Variants in MYH13 observed in about 807,000 individuals in gnomAD.
The protein encoded by MYH13 is myosin-13.
Under a neutral mutation model 232.1 loss-of-function variants are expected in MYH13, and 177 were observed. The ratio of observed to expected loss-of-function variants is 0.76; its 90% CI spans 0.67 to 0.86. The LOEUF is 0.86. Ranked by LOEUF, MYH13 falls within the 40% of genes least tolerant of loss-of-function variation. The pLI is 0.00. For missense variants in MYH13, 2,246 were observed against 2,405.9 expected (o/e 0.93, Z 1.39); for synonymous variants, 884 against 923.5 (o/e 0.96, Z 0.78).
intron 16 of MYH13, among the ~76,000 whole-genome samples, chr17:10,340,840 G>T (rs2071614863): frequency 6.6e-6 from 1 of 151,852 alleles, no homozygotes; most frequent in Non-Finnish European, 1.5e-5. Context: ...CCAGGATTAA[G>T]AACCCTCAGC....
rs1319014571 is a variant in MYH13 at position 10,346,748 on chromosome 17, T to C, written c.1195A>G (p.Lys399Glu). 3 of 1,613,890 alleles carry C rather than the reference T, an allele frequency of 1.9e-6. No homozygotes were observed. The highest frequency in any genetic ancestry group is 1.7e-5 in the Admixed American group (1 of 59,998). ...LMGLNSAEML[K>E]GLCCPRVKVG... ...TTCACCCTTGGACAGCACAGGCCCTTCAGCATTTCTGCAGAATTCAGTCCC... is the reference window on the plus strand; with the variant it reads ...TTCACCCTTGGACAGCACAGGCCCTCCAGCATTTCTGCAGAATTCAGTCCC... Residue 399 changes from lysine (K) to glutamate (E), a missense_variant, in exon 13 of 41, where the codon AAG becomes GAG. Transcript: ENST00000252172.
rs34889608 is a variant in MYH13, at chr17:10,306,220, ATGTGTGTGTGTGTGTGTGTGTGTG to A, written c.5466+215_5466+238del. Among the ~76,000 whole-genome samples the A allele has an allele frequency of 7.7e-6, 1 of 129,942 alleles. No homozygotes were observed. Among genetic ancestry groups the A allele is most frequent in the Admixed American group, 7.7e-5 (1 of 12,946 alleles). 85.2% of individuals were successfully genotyped at this position (129,942 alleles called of 152,430 possible). On this transcript the variant is annotated intron_variant, in intron 37 of 40. Transcript: ENST00000252172. This position sits in a 1 kb window ranked among gnomAD's most constrained non-coding sequence, Gnocchi z 4.3. ...CTGAGGTGTGAGCATACCAAAATAG[ATGTGTGTGTGTGTGTGTGTGTGTG>A]TGTGTGTGTGTGTGTGTGTGTGTGT...
At chr17:10,364,755 G>GT (rs35658023) in intron 2 of MYH13, among the ~76,000 whole-genome samples, 25,470 of 147,112 alleles carry the variant, frequency 0.17, 2,430 homozygotes, top group Non-Finnish European at 0.23. Flanking sequence ...AAGTATGAAG[G>GT]TTTTTTTTTT....
At chr17:10,362,979 C>T (rs1279847722) in intron 3 of MYH13, among the ~76,000 whole-genome samples, 1 of 152,172 alleles carries the variant, frequency 6.6e-6, no homozygotes, top group African/African-American at 2.4e-5. Context: ...CCAACTCTTC[C>T]ACGACCCATC....
intron 2 of MYH13, among the ~76,000 whole-genome samples, chr17:10,365,762 A>G (rs2071829480): frequency 1.3e-5 from 2 of 152,066 alleles, no homozygotes; most frequent in African/African-American, 2.4e-5. Context: ...CGCGGTCTCT[A>G]AACTTTGTGC....
At chr17:10,322,966 T>C (rs759710414) in intron 23 of MYH13, among the ~76,000 whole-genome samples, 1 of 152,152 alleles carries the variant, frequency 6.6e-6, no homozygotes, top group African/African-American at 2.4e-5. Context: ...TTCCACCGTT[T>C]AGCAGTAGGT....
Position 10,313,294 on chromosome 17 carries a change from C to G in MYH13, c.4045G>C (p.Glu1349Gln). 1 of 1,614,264 alleles carries G rather than the reference C, an allele frequency of 6.2e-7. No individual in the cohort carries two copies. The change falls in exon 30 of 41, where the codon GAA becomes CAA. Residue 1349 changes from glutamate to glutamine, a missense_variant. Glu to Gln is a conservative substitution (Grantham distance 29). Transcript: ENST00000252172. ...GCTTCCTGCTCCTCCTCATACTGTT[C>G]CCGCAGCAGGTCACAGTCGTGGCGG... ...SSRHDCDLLREQYEEEQEAKA... is the reference protein window; with the variant it reads ...SSRHDCDLLRQQYEEEQEAKA...
chr17:10,312,121 G>T, intron 31 of MYH13, 45 bp from the exon 32 acceptor site: 4 of 1,605,246 alleles, frequency 2.5e-6, no homozygotes, highest in South Asian at 1.1e-5. Context: ...AAGCAGGGGT[G>T]ACTCAGAAGA....
At chr17:10,327,276 C>T (rs1237635663) in intron 22 of MYH13, among the ~76,000 whole-genome samples, 1 of 151,636 alleles carries the variant, frequency 6.6e-6, no homozygotes, top group Non-Finnish European at 1.5e-5. Context: ...GCTGGGATTA[C>T]AGGCGTGAGC....
chr17:10,309,154 T>G (rs568880740), intron 35 of MYH13, 80 bp downstream of exon 35: 560 of 1,403,208 alleles, frequency 4.0e-4, no homozygotes, highest in Non-Finnish European at 5.0e-4. Flanking sequence ...AGTGGAGGGA[T>G]AGCGGAAGCA....
Position 10,340,374 on chromosome 17 carries a change from C to A in MYH13, c.1922G>T (p.Gly641Val), listed in dbSNP as rs759381130. ...CTGGAAAGAGGAGCCCTTCTTCTTC[C>A]CGCCCTTCTTGCTTCCTCCGGAGTC... ...TGDSGGSKKGGKKKGSSFQTV... is the reference protein window; with the variant it reads ...TGDSGGSKKGVKKKGSSFQTV... Residue 641 changes from glycine to valine, a missense_variant, in exon 17 of 41, where the codon GGG becomes GTG. By Grantham distance (109) the Gly-to-Val change is moderately radical. Coordinates refer to ENST00000252172, the MANE Select transcript of MYH13 (RefSeq NM_003802.3). 4 of 1,613,738 alleles carry A rather than the reference C, an allele frequency of 2.5e-6. No individual in the cohort carries two copies. Among genetic ancestry groups the A allele is most frequent in the South Asian group, 1.1e-5 (1 of 91,070 alleles).
chr17:10,318,115 G>C, intron 27 of MYH13, among the ~76,000 whole-genome samples: 1 of 152,118 alleles, frequency 6.6e-6, no homozygotes, highest in Non-Finnish European at 1.5e-5. Context: ...GGTGGCGTGT[G>C]CCTGTAATCC....
chr17:10,350,435 GA>G (rs2071699724), intron 12 of MYH13, 120 bp downstream of exon 12: 1 of 1,419,632 alleles, frequency 7.0e-7, no homozygotes, highest in African/African-American at 1.4e-5. Flanking sequence ...AGGAAACCCA[GA>G]TTTGATTTAT....
intron 21 of MYH13, 105 bp downstream of exon 21, chr17:10,330,282 G>A (rs1907365893): frequency 6.8e-7 from 1 of 1,475,826 alleles, no homozygotes; most frequent in African/African-American, 1.4e-5. Context: ...AACAAATGAA[G>A]GAAAGAGAGC....
chr17:10,318,389 T>C (rs1906793487), intron 27 of MYH13, among the ~76,000 whole-genome samples: 1 of 152,162 alleles, frequency 6.6e-6, no homozygotes, highest in Admixed American at 6.5e-5. Flanking sequence ...GGAGCCCTTA[T>C]GAATGGGATT....
At chr17:10,336,222 T>C (rs2071574120) in intron 18 of MYH13, among the ~76,000 whole-genome samples, 1 of 152,104 alleles carries the variant, frequency 6.6e-6, no homozygotes, top group South Asian at 2.1e-4. Flanking sequence ...TGTTTTTCCT[T>C]AAACCCGGCC....
intron 3 of MYH13, among the ~76,000 whole-genome samples, chr17:10,363,914 A>G (rs11658869): frequency 0.8 from 121,001 of 152,126 alleles, 48,376 homozygotes; most frequent in East Asian, 0.92. Flanking sequence ...TAGACCTGGT[A>G]GATGTCCGGT....
chr17:10,370,011 C>A (rs2071866409), intron 2 of MYH13, among the ~76,000 whole-genome samples: 1 of 152,220 alleles, frequency 6.6e-6, no homozygotes, highest in South Asian at 2.1e-4. Flanking sequence ...ATAGCCTCAA[C>A]TTCCACTGGT....
At chr17:10,335,235 G>A (rs914875785) in intron 18 of MYH13, among the ~76,000 whole-genome samples, 3 of 152,126 alleles carry the variant, frequency 2.0e-5, no homozygotes, top group African/African-American at 7.2e-5. Context: ...TTAAAATATT[G>A]TATAAAATTA....
Sources: gnomAD v4.1 joint callset for allele counts (sites outside exome capture counted in the v4.1 genomes callset) on GRCh38, gnomAD v4.1.1 for gene constraint, Gnocchi (gnomAD v3.1) non-coding constraint, MANE v1.5 for transcripts, NCBI Gene and HGNC (gene_info 2026-07-23, HGNC 2026-07-21) for gene names.